The following CCDC13 variants were observed in gnomAD, a reference collection of about 807,000 sequenced individuals.
CCDC13 encodes coiled-coil domain containing 13, also known as coiled-coil domain-containing protein 13.
Under a neutral mutation model 87.3 loss-of-function variants are expected in CCDC13, and 70 were observed. That is an observed-to-expected ratio of 0.80 (90% confidence interval 0.66 to 0.98). CCDC13 has a LOEUF of 0.98. Ranked by LOEUF, CCDC13 falls within the 50% of genes least tolerant of loss-of-function variation. The probability of loss-of-function intolerance (pLI) is 0.00; values close to 1 mark genes in which losing one functional copy is unlikely to be tolerated. For synonymous variants in CCDC13, 317 were observed against 360.3 expected (o/e 0.88, Z 1.36); for missense variants, 842 against 892.0 (o/e 0.94, Z 0.71).
intron 8 of CCDC13, among the ~76,000 whole-genome samples, chr3:42,740,318 G>A (rs1434169249): frequency 1.3e-5 from 2 of 152,164 alleles, no homozygotes; most frequent in East Asian, 1.9e-4. Context: ...ACAGCACCTT[G>A]CTTTGTCAGC....
At chr3:42,712,464 A>C (rs1457663772) in intron 14 of CCDC13, among the ~76,000 whole-genome samples, 2 of 152,194 alleles carry the variant, frequency 1.3e-5, no homozygotes. Context: ...ACTGTGTTCG[A>C]GCGATAGACT....
At chr3:42,740,423 T>A (rs1178443310) in intron 8 of CCDC13, among the ~76,000 whole-genome samples, 1 of 152,048 alleles carries the variant, frequency 6.6e-6, no homozygotes, top group Non-Finnish European at 1.5e-5. Context: ...CTACTATGGG[T>A]TTCCTGAGGT....
At chr3:42,727,957 T>C (rs1202830878) in intron 13 of CCDC13, among the ~76,000 whole-genome samples, 2 of 152,070 alleles carry the variant, frequency 1.3e-5, no homozygotes, top group East Asian at 3.8e-4. Flanking sequence ...AAAATCAAAG[T>C]GGATTAAACG....
chr3:42,735,972 A>T, intron 9 of CCDC13, 59 bp from the exon 10 acceptor site: 6 of 1,497,258 alleles, frequency 4.0e-6, no homozygotes, highest in Non-Finnish European at 4.6e-6. Context: ...GCCGGGGAGG[A>T]CAAGAACAGA....
Position 42,708,967 on chromosome 3 carries a change from C to T in CCDC13, c.*13G>A, listed in dbSNP as rs1295001564. The T allele has an allele frequency of 6.2e-7, 1 of 1,606,332 alleles. No homozygotes were observed. The highest frequency in any genetic ancestry group is 1.1e-5 in the South Asian group (1 of 89,666). ...GGCTGCCCACCCGGCCAGGCCGACA[C>T]TGGGCTGTCATCCTATTGCTTGCCT... On this transcript the variant is annotated 3_prime_UTR_variant, in exon 16 of 16. Coordinates refer to ENST00000310232, the MANE Select transcript of CCDC13 (RefSeq NM_144719.4).
intron 3 of CCDC13, 127 bp from the exon 4 acceptor site, chr3:42,752,844 A>C (rs1699620453): frequency 1.8e-6 from 2 of 1,128,250 alleles, no homozygotes; most frequent in African/African-American, 1.5e-5. Flanking sequence ...ATAAAGGGGC[A>C]CTAACTTAGG....
intron 5 of CCDC13, among the ~76,000 whole-genome samples, chr3:42,747,955 C>A (rs1251447390): frequency 6.6e-6 from 1 of 152,198 alleles, no homozygotes; most frequent in African/African-American, 2.4e-5. Flanking sequence ...CTTGGGCTCT[C>A]TTTCCTAGCA....
rs1443046200 is a variant in CCDC13 at position 42,735,898 on chromosome 3, G to A, written c.1180C>T (p.Leu394=). 1.2e-6 allele frequency: 2 copies of A among 1,613,586 alleles called. No individual in the cohort carries two copies. The highest frequency in any genetic ancestry group is 2.7e-5 in the African/African-American group (2 of 74,920). Residue 394 remains leucine, a synonymous_variant, in exon 10 of 16, where the codon CTA becomes TTA. Coordinates refer to ENST00000310232, the MANE Select transcript of CCDC13 (RefSeq NM_144719.4). ...CTCAGGCTGCCTAGGATCTCCTGTA[G>A]CTGCTTCAGCTGGTCCTGGGGGGCC... ...IDALMDQLKQ[L]QEILGSLSLQ...
chr3:42,729,482 T>G (rs567791746), intron 13 of CCDC13, among the ~76,000 whole-genome samples: 1 of 152,234 alleles, frequency 6.6e-6, no homozygotes, highest in Non-Finnish European at 1.5e-5. Context: ...ATTTTCCCTT[T>G]GGCAAACTAC....
intron 3 of CCDC13, 93 bp downstream of exon 3, chr3:42,756,973 C>G (rs925579829): frequency 4.8e-5 from 61 of 1,280,656 alleles, no homozygotes; most frequent in African/African-American, 1.0e-4. Context: ...CCTTGGCACT[C>G]TCTTGGGAAT....
chr3:42,750,647 T>C (rs1699552322), intron 5 of CCDC13, among the ~76,000 whole-genome samples: 1 of 152,208 alleles, frequency 6.6e-6, no homozygotes, highest in Admixed American at 6.5e-5. Context: ...GTTGTATTTT[T>C]ACTAGAGATG....
At chr3:42,726,217 T>C (rs1020383603) in intron 13 of CCDC13, among the ~76,000 whole-genome samples, 4 of 152,136 alleles carry the variant, frequency 2.6e-5, no homozygotes, top group Non-Finnish European at 5.9e-5. Context: ...AATTTTTGGA[T>C]TCTTAGTAGA....
chr3:42,770,683 T>C (rs912509181), intron 1 of CCDC13: 5 of 152,512 alleles, frequency 3.3e-5, no homozygotes, highest in African/African-American at 1.2e-4. Flanking sequence ...GCTCACTCTT[T>C]GGGTCCACAC....
chr3:42,755,843 C>T (rs1460354544), intron 3 of CCDC13, among the ~76,000 whole-genome samples: 1 of 152,196 alleles, frequency 6.6e-6, no homozygotes, highest in Non-Finnish European at 1.5e-5. Flanking sequence ...ATCTGCTTCC[C>T]AGGTCTGCTG....
chr3:42,708,804 G>A lies in CCDC13; in HGVS notation c.*176C>T, dbSNP rs1698233909. On this transcript the variant is annotated 3_prime_UTR_variant, in exon 16 of 16. Transcript: ENST00000310232. ...AGTGTCCCACCAGGGCTTCTCTTCT[G>A]CCTTCCTGGCCTGAGACATTGGTTT... The A allele has an allele frequency of 8.0e-6, 5 of 623,574 alleles. No individual in the cohort carries two copies. Among genetic ancestry groups the A allele is most frequent in the Non-Finnish European group, 1.3e-5 (5 of 382,972 alleles). The allele number at this position is 623,574 out of a possible 1,614,324, so 38.6% of individuals were successfully genotyped here.
downstream of CCDC13, chr3:42,704,155 G>A (rs1001345083): frequency 2.0e-5 from 3 of 152,258 alleles, no homozygotes; most frequent in Non-Finnish European, 4.4e-5. Context: ...ACAGCCCATA[G>A]GGAAGATGTT....
At chr3:42,746,161 C>A in intron 6 of CCDC13, 134 bp from the exon 7 acceptor site, 2 of 686,198 alleles carry the variant, frequency 2.9e-6, no homozygotes, top group Admixed American at 2.5e-5. Context: ...GAGCATAGCC[C>A]TCAAAGGTCA....
At chr3:42,709,831 A>G in intron 14 of CCDC13, 33 bp from the exon 15 acceptor site, 1 of 1,519,020 alleles carries the variant, frequency 6.6e-7, no homozygotes, top group Non-Finnish European at 9.1e-7. Context: ...TTCTGTGAGG[A>G]GGCCACAGCC....
At position 42,708,749 on chromosome 3, in the gene CCDC13, C is replaced by A; in HGVS notation, c.*231G>T. Reference sequence around the variant, plus strand: ...AGTGGGCTGCTGGGCCTCCCTGCTGCTGTAACCCAGCCAGCCCAGGGTCTC... The same window carrying A: ...AGTGGGCTGCTGGGCCTCCCTGCTGATGTAACCCAGCCAGCCCAGGGTCTC... On this transcript the variant is annotated 3_prime_UTR_variant, in exon 16 of 16. Coordinates refer to ENST00000310232, the MANE Select transcript of CCDC13 (RefSeq NM_144719.4). The A allele has an allele frequency of 2.3e-6, 1 of 439,786 alleles. No homozygotes were observed. Among genetic ancestry groups the A allele is most frequent in the Non-Finnish European group, 4.0e-6 (1 of 252,164 alleles). The allele number at this position is 439,786 out of a possible 1,614,324, so 27.2% of individuals were successfully genotyped here. A position where few individuals can be genotyped will look rare whatever the true frequency, so the allele number is the denominator to read the frequency against.
Sources: gnomAD v4.1 joint callset for allele counts (sites outside exome capture counted in the v4.1 genomes callset) on GRCh38, gnomAD v4.1.1 for gene constraint, MANE v1.5 for transcripts, NCBI Gene and HGNC (gene_info 2026-07-23, HGNC 2026-07-21) for gene names.